The following NXPH1 variants were observed in gnomAD, a reference collection of about 807,000 sequenced individuals.
NXPH1 encodes the protein neurexophilin-1.
NXPH1 carries 5 observed loss-of-function variants against 23.7 expected under a neutral mutation model. The ratio of observed to expected loss-of-function variants is 0.21; its 90% CI spans 0.11 to 0.44. The LOEUF is 0.44. Among genes scored for constraint, NXPH1 ranks in the 20% least tolerant of loss-of-function variants. The pLI is 0.99. For missense variants in NXPH1, 324 were observed against 321.6 expected (o/e 1.01, Z -0.06); for synonymous variants, 144 against 122.2 (o/e 1.18, Z -1.18).
chr7:8,656,913 C>A (rs1188253723), intron 2 of NXPH1, among the ~76,000 whole-genome samples: 1 of 152,206 alleles, frequency 6.6e-6, no homozygotes, highest in East Asian at 1.9e-4. Flanking sequence ...AAGGTCTTCA[C>A]CACTCTGCGA....
chr7:8,583,954 T>C (rs535991805), intron 2 of NXPH1, among the ~76,000 whole-genome samples: 2 of 152,334 alleles, frequency 1.3e-5, no homozygotes, highest in South Asian at 4.1e-4. Flanking sequence ...AACACAGTTA[T>C]CTGCATGGTC....
At chr7:8,638,567 G>A (rs906197926) in intron 2 of NXPH1, among the ~76,000 whole-genome samples, 5 of 152,190 alleles carry the variant, frequency 3.3e-5, no homozygotes, top group Admixed American at 2.0e-4. Flanking sequence ...TTTAAGGATT[G>A]ATTGTTGTAT....
chr7:8,625,839 T>C (rs1190947813), intron 2 of NXPH1, among the ~76,000 whole-genome samples: 1 of 152,174 alleles, frequency 6.6e-6, no homozygotes, highest in Non-Finnish European at 1.5e-5. Context: ...TGGCAAAGTG[T>C]AATTGTAGAT....
intron 2 of NXPH1, among the ~76,000 whole-genome samples, chr7:8,449,629 G>C (rs1405255843): frequency 2.6e-5 from 4 of 152,306 alleles, no homozygotes; most frequent in African/African-American, 4.8e-5. Flanking sequence ...CTGGTGTAAG[G>C]TGGCAAGATT....
chr7:8,582,895 C>A (rs1368339446), intron 2 of NXPH1, among the ~76,000 whole-genome samples: 1 of 152,184 alleles, frequency 6.6e-6, no homozygotes, highest in Non-Finnish European at 1.5e-5. Flanking sequence ...ATTATGTTGT[C>A]AATGGCACCC....
chr7:8,510,547 G>A (rs190056460), intron 2 of NXPH1, among the ~76,000 whole-genome samples: 1 of 152,082 alleles, frequency 6.6e-6, no homozygotes, highest in East Asian at 1.9e-4. Flanking sequence ...AAAGTAAAAT[G>A]TTTTAAAATT....
At chr7:8,737,768 C>G (rs983535907) in intron 2 of NXPH1, among the ~76,000 whole-genome samples, 1 of 152,200 alleles carries the variant, frequency 6.6e-6, no homozygotes, top group Non-Finnish European at 1.5e-5. Context: ...TTCAGGTACA[C>G]CAGTCAAAGG....
chr7:8,473,720 A>G (rs1413343003), intron 2 of NXPH1, among the ~76,000 whole-genome samples: 1 of 149,910 alleles, frequency 6.7e-6, no homozygotes, highest in African/African-American at 2.5e-5. Flanking sequence ...TGAGGTAGAC[A>G]TCAGAATGCT....
chr7:8,592,962 A>C (rs1452071096), intron 2 of NXPH1, among the ~76,000 whole-genome samples: 1 of 151,526 alleles, frequency 6.6e-6, no homozygotes. Flanking sequence ...TGCTCTCCTC[A>C]TTGTCCCCGT....
chr7:8,584,547 T>G (rs1330814441), intron 2 of NXPH1, among the ~76,000 whole-genome samples: 3 of 152,076 alleles, frequency 2.0e-5, no homozygotes, highest in African/African-American at 7.2e-5. Context: ...TAGAGACAAA[T>G]ACACACTCAG....
chr7:8,634,265 G>T (rs1820180654), intron 2 of NXPH1, among the ~76,000 whole-genome samples: 1 of 152,006 alleles, frequency 6.6e-6, no homozygotes, highest in South Asian at 2.1e-4. Context: ...GAGAACTGAT[G>T]GTTTCATAAA....
At chr7:8,465,718 G>A (rs1816776932) in intron 2 of NXPH1, among the ~76,000 whole-genome samples, 1 of 152,196 alleles carries the variant, frequency 6.6e-6, no homozygotes, top group Admixed American at 6.5e-5. Flanking sequence ...CTTAAAGACA[G>A]TAGAATATTT....
At chr7:8,674,544 G>A (rs1443202559) in intron 2 of NXPH1, among the ~76,000 whole-genome samples, 1 of 152,042 alleles carries the variant, frequency 6.6e-6, no homozygotes, top group Non-Finnish European at 1.5e-5. Context: ...GCCTGAGTGT[G>A]GCAAGGAAAT....
chr7:8,479,158 T>C (rs1341184252), intron 2 of NXPH1, among the ~76,000 whole-genome samples: 2 of 152,044 alleles, frequency 1.3e-5, no homozygotes, highest in South Asian at 4.1e-4. Flanking sequence ...GGGTTAAAGA[T>C]CAAGTATCTA....
At chr7:8,573,726 T>G (rs1363190041) in intron 2 of NXPH1, among the ~76,000 whole-genome samples, 1 of 152,152 alleles carries the variant, frequency 6.6e-6, no homozygotes, top group Non-Finnish European at 1.5e-5. Flanking sequence ...TTCCAGTTAA[T>G]TATAGGTTAT....
intron 2 of NXPH1, among the ~76,000 whole-genome samples, chr7:8,685,520 T>A (rs534200468): frequency 3.9e-4 from 60 of 152,192 alleles, no homozygotes; most frequent in African/African-American, 1.4e-3. Flanking sequence ...GCTGGACTGT[T>A]AAGTTGCTTC....
At chr7:8,475,096 GT>G (rs1816947163) in intron 2 of NXPH1, among the ~76,000 whole-genome samples, 1 of 152,094 alleles carries the variant, frequency 6.6e-6, no homozygotes, top group Non-Finnish European at 1.5e-5. Flanking sequence ...TTGAGAACTT[GT>G]TTTCCTGCAG....
chr7:8,689,661 C>T (rs754802297), intron 2 of NXPH1, among the ~76,000 whole-genome samples: 1 of 152,102 alleles, frequency 6.6e-6, no homozygotes, highest in Non-Finnish European at 1.5e-5. Context: ...TGACTTGATT[C>T]CCACTCTCCC....
chr7:8,698,368 C>T (rs190986023), intron 2 of NXPH1, among the ~76,000 whole-genome samples: 26 of 152,226 alleles, frequency 1.7e-4, no homozygotes, highest in Admixed American at 1.4e-3. Context: ...GTACTTGTTT[C>T]GTTCAGAACT....
Sources: allele counts gnomAD v4.1 joint callset (sites outside exome capture counted in the v4.1 genomes callset), GRCh38; gene constraint gnomAD v4.1.1; transcripts MANE v1.5; gene names NCBI Gene and HGNC (gene_info 2026-07-23, HGNC 2026-07-21).